ATG10: variants seen among roughly 807,000 people sequenced by gnomAD.
ATG10 encodes the protein autophagy related 10.
ATG10 carries 30 observed loss-of-function variants against 32.1 expected under a neutral mutation model. The observed-to-expected ratio is 0.94, with a 90% confidence interval of 0.70 to 1.27. The LOEUF (loss-of-function observed/expected upper bound fraction) is 1.27. Ranked by LOEUF, ATG10 falls within the 50% of genes most tolerant of loss-of-function variation. The pLI, the probability that ATG10 is intolerant of heterozygous loss-of-function variation, is 0.00. For missense variants in ATG10, 233 were observed against 262.3 expected, an observed-to-expected ratio of 0.89 and a Z score of 0.77; for synonymous variants, 87 against 91.5, an observed-to-expected ratio of 0.95 and a Z score of 0.28.
chr5:82,021,853 T>C (rs1762447732), intron 2 of ATG10, among the ~76,000 whole-genome samples: 1 of 151,460 alleles, frequency 6.6e-6, no homozygotes, highest in Non-Finnish European at 1.5e-5. Flanking sequence ...TGAGACCCAG[T>C]CTCTATTAAA....
intron 1 of ATG10, among the ~76,000 whole-genome samples, chr5:81,983,865 G>C (rs1761162175): frequency 6.6e-6 from 1 of 151,916 alleles, no homozygotes; most frequent in Admixed American, 6.5e-5. Flanking sequence ...ATCCCAGACG[G>C]GGCAGCGGGG....
chr5:82,172,750 A>G (rs529910805), intron 4 of ATG10, among the ~76,000 whole-genome samples: 7 of 152,342 alleles, frequency 4.6e-5, no homozygotes, highest in African/African-American at 1.7e-4. Flanking sequence ...AGCAAAAGAA[A>G]GTTGCCATAG....
intron 2 of ATG10, among the ~76,000 whole-genome samples, chr5:81,991,674 A>C (rs1415929796): frequency 1.3e-5 from 2 of 152,050 alleles, no homozygotes; most frequent in African/African-American, 4.8e-5. Flanking sequence ...GCATGCCTAA[A>C]ATCCCAGCTA....
chr5:82,190,773 C>CAAAAA (rs35513819), intron 5 of ATG10, among the ~76,000 whole-genome samples: 9 of 53,676 alleles, frequency 1.7e-4, no homozygotes, highest in Non-Finnish European at 2.3e-4. Context: ...GACTCCATCT[C>CAAAAA]AAAAAAAAAA....
intron 1 of ATG10, among the ~76,000 whole-genome samples, chr5:81,978,791 G>GTACA (rs1415665077): frequency 6.6e-6 from 1 of 152,010 alleles, no homozygotes; most frequent in African/African-American, 2.4e-5. Context: ...CTTGCAAAGT[G>GTACA]TACATCAGTT....
chr5:82,050,341 A>G (rs1165919638), intron 2 of ATG10, among the ~76,000 whole-genome samples: 2 of 152,098 alleles, frequency 1.3e-5, no homozygotes, highest in Admixed American at 6.5e-5. Context: ...TCTTTGGACA[A>G]TAACTATTGA....
intron 5 of ATG10, among the ~76,000 whole-genome samples, chr5:82,232,507 T>C (rs560170278): frequency 2.8e-4 from 42 of 152,356 alleles, no homozygotes; most frequent in African/African-American, 1.0e-3. Flanking sequence ...ACCTACTTTA[T>C]AGAATTGTGA....
chr5:82,065,752 C>T (rs1763925394), intron 3 of ATG10, among the ~76,000 whole-genome samples: 1 of 151,978 alleles, frequency 6.6e-6, no homozygotes, highest in African/African-American at 2.4e-5. Flanking sequence ...TTATTGAAGC[C>T]TTATTTCTAT....
chr5:82,101,985 G>A (rs1220134071), intron 3 of ATG10, among the ~76,000 whole-genome samples: 1 of 152,148 alleles, frequency 6.6e-6, no homozygotes, highest in Non-Finnish European at 1.5e-5. Flanking sequence ...TTCTTTTAAT[G>A]GAAGGCACTG....
chr5:82,222,383 T>A (rs1206428005), intron 5 of ATG10, among the ~76,000 whole-genome samples: 1 of 152,324 alleles, frequency 6.6e-6, no homozygotes, highest in East Asian at 1.9e-4. Flanking sequence ...TAGTAGTACA[T>A]CCCTCATGAA....
At chr5:82,103,907 C>G (rs1447005628) in intron 3 of ATG10, among the ~76,000 whole-genome samples, 1 of 152,154 alleles carries the variant, frequency 6.6e-6, no homozygotes. Context: ...TGACTTGTTA[C>G]ACTACAATTT....
intron 3 of ATG10, among the ~76,000 whole-genome samples, chr5:82,071,332 T>C (rs759952527): frequency 1.3e-5 from 2 of 152,108 alleles, no homozygotes; most frequent in Admixed American, 1.3e-4. Context: ...TAAAAACACA[T>C]GGTTGGAATC....
At chr5:82,150,302 G>A (rs1441697111) in intron 3 of ATG10, among the ~76,000 whole-genome samples, 5 of 149,042 alleles carry the variant, frequency 3.4e-5, no homozygotes, top group Non-Finnish European at 7.4e-5. Context: ...GGTTAGAACT[G>A]ACAAATCAAG....
chr5:81,984,267 A>G (rs1761185306), intron 1 of ATG10, among the ~76,000 whole-genome samples: 1 of 152,224 alleles, frequency 6.6e-6, no homozygotes, highest in African/African-American at 2.4e-5. Context: ...TCCACCAAAA[A>G]AATACGAAAA....
At chr5:82,158,899 C>T (rs541670921) in intron 3 of ATG10, among the ~76,000 whole-genome samples, 3 of 152,020 alleles carry the variant, frequency 2.0e-5, no homozygotes, top group South Asian at 2.1e-4. Context: ...TATATAGTCC[C>T]GCTTTATTGG....
chr5:82,102,137 G>C (rs1765295540), intron 3 of ATG10, among the ~76,000 whole-genome samples: 4 of 152,158 alleles, frequency 2.6e-5, no homozygotes. Context: ...ATTTCACTCA[G>C]TATAGCTGTG....
At chr5:82,224,229 T>C (rs940855801) in intron 5 of ATG10, among the ~76,000 whole-genome samples, 1 of 152,152 alleles carries the variant, frequency 6.6e-6, no homozygotes, top group Non-Finnish European at 1.5e-5. Flanking sequence ...GCTGGAAAAG[T>C]AGTTTGTGCC....
rs565222561 is a variant in ATG10, at chr5:82,135,417, T to C, written c.217-28982T>C. 6.9e-4 allele frequency among the ~76,000 whole-genome samples: 105 copies of C among 152,350 alleles called. 2 individuals are homozygous for C. The highest frequency in any genetic ancestry group is 6.8e-3 in the South Asian group (33 of 4,832). On this transcript the variant is annotated intron_variant, in intron 3 of 7. Transcript: ENST00000282185. ...TTTAGCTGTGTCCCAGAGATTCTGG[T>C]ACATTGTATCTTTGTTCTCATTGGT...
chr5:82,178,016 A>C (rs1465402935), intron 4 of ATG10, among the ~76,000 whole-genome samples: 1 of 152,074 alleles, frequency 6.6e-6, no homozygotes, highest in East Asian at 1.9e-4. Context: ...TCTTCTCTCT[A>C]TTCTCCATGG....
Sources: gnomAD v4.1 joint callset for allele counts (sites outside exome capture counted in the v4.1 genomes callset) on GRCh38, gnomAD v4.1.1 for gene constraint, MANE v1.5 for transcripts, NCBI Gene and HGNC (gene_info 2026-07-23, HGNC 2026-07-21) for gene names.